Variants in MALRD1 observed in about 807,000 individuals in gnomAD.
The protein encoded by MALRD1 is MAM and LDL-receptor class A domain-containing protein 1.
Under a neutral mutation model 242.1 loss-of-function variants are expected in MALRD1, and 247 were observed. The ratio of observed to expected loss-of-function variants is 1.02; its 90% CI spans 0.92 to 1.13. The LOEUF is 1.13. MALRD1 is among the 50% of genes most tolerant of loss of function. The pLI is 0.00. For synonymous variants in MALRD1, 995 were observed against 866.6 expected (o/e 1.15, Z -2.60); for missense variants, 2,989 against 2,533.1 (o/e 1.18, Z -3.86).
At chr10:19,730,012 C>T (rs1835221612) in intron 38 of MALRD1, among the ~76,000 whole-genome samples, 1 of 152,124 alleles carries the variant, frequency 6.6e-6, no homozygotes, top group African/African-American at 2.4e-5. Flanking sequence ...GCTGGGATTA[C>T]AGGCGTGAGC....
intron 36 of MALRD1, among the ~76,000 whole-genome samples, chr10:19,619,584 A>C (rs565273254): frequency 1.3e-5 from 2 of 152,232 alleles, no homozygotes; most frequent in South Asian, 4.1e-4. Flanking sequence ...ACAGGAATGA[A>C]AAATGTTTAA....
chr10:19,285,426 T>G (rs947815259), intron 21 of MALRD1, among the ~76,000 whole-genome samples: 1 of 150,788 alleles, frequency 6.6e-6, no homozygotes, highest in Admixed American at 6.6e-5. Context: ...AATTGATTTT[T>G]GTATAAGGTA....
intron 18 of MALRD1, among the ~76,000 whole-genome samples, chr10:19,215,460 T>C (rs1837267094): frequency 6.6e-6 from 1 of 152,248 alleles, no homozygotes; most frequent in Non-Finnish European, 1.5e-5. Flanking sequence ...GTGGACGTCA[T>C]CTTCCACATC....
rs78521570 is a variant in MALRD1 at position 19,387,056 on chromosome 10, A to C, written c.4442-472A>C. ...TTATATATGCATAGCCGTGCTTCTA[A>C]GGAGGTATCTTACATATCGTGGCTT... On this transcript the variant is annotated intron_variant, in intron 26 of 39. Transcript: ENST00000454679. Among the ~76,000 whole-genome samples the C allele has an allele frequency of 5.6e-3, 854 of 152,280 alleles. 5 individuals are homozygous for C. Among genetic ancestry groups the C allele is most frequent in the African/African-American group, 0.02 (819 of 41,564 alleles).
intron 38 of MALRD1, among the ~76,000 whole-genome samples, chr10:19,718,221 A>C (rs1335875440): frequency 2.0e-5 from 3 of 151,732 alleles, no homozygotes; most frequent in African/African-American, 7.3e-5. Flanking sequence ...GAAGAAGAAG[A>C]AGCAACAGCA....
At chr10:19,282,871 A>G (rs2131887119) in intron 20 of MALRD1, 148 bp from the exon 21 acceptor site, 1 of 549,886 alleles carries the variant, frequency 1.8e-6, no homozygotes, top group Non-Finnish European at 2.8e-6. Flanking sequence ...TCTTCCAGTG[A>G]TTTTACAAAC....
intron 14 of MALRD1, among the ~76,000 whole-genome samples, chr10:19,175,611 T>A (rs1330552147): frequency 6.6e-6 from 1 of 151,266 alleles, no homozygotes; most frequent in Non-Finnish European, 1.5e-5. Flanking sequence ...AAAATTATAA[T>A]TATCTTGCAT....
At chr10:19,612,913 T>A (rs1405700554) in intron 35 of MALRD1, among the ~76,000 whole-genome samples, 1 of 151,982 alleles carries the variant, frequency 6.6e-6, no homozygotes, top group Non-Finnish European at 1.5e-5. Context: ...GATCACAGTT[T>A]GACATAAGAT....
intron 38 of MALRD1, among the ~76,000 whole-genome samples, chr10:19,698,117 C>T (rs1160005906): frequency 6.6e-6 from 1 of 152,162 alleles, no homozygotes; most frequent in Non-Finnish European, 1.5e-5. Context: ...CTGAATATTT[C>T]TCTAACTACT....
intron 2 of MALRD1, among the ~76,000 whole-genome samples, chr10:19,081,364 C>A (rs2131280475): frequency 6.6e-6 from 1 of 152,182 alleles, no homozygotes; most frequent in East Asian, 1.9e-4. Flanking sequence ...GGAACTAACC[C>A]AAATGCCCAT....
chr10:19,454,520 G>C (rs1003630562), intron 29 of MALRD1, among the ~76,000 whole-genome samples: 4 of 147,084 alleles, frequency 2.7e-5, no homozygotes, highest in Non-Finnish European at 4.5e-5. Context: ...TGTTATATAT[G>C]GATAAACCCA....
intron 19 of MALRD1, among the ~76,000 whole-genome samples, chr10:19,262,410 CTT>C (rs1839789124): frequency 6.6e-6 from 1 of 151,884 alleles, no homozygotes; most frequent in Non-Finnish European, 1.5e-5. Flanking sequence ...AATCCTAGCA[CTT>C]TGGGAAGCTG....
At chr10:19,173,884 A>T (rs1018679954) in intron 13 of MALRD1, among the ~76,000 whole-genome samples, 1 of 152,226 alleles carries the variant, frequency 6.6e-6, no homozygotes, top group African/African-American at 2.4e-5. Context: ...TATCATACGA[A>T]GTGTAGGAGA....
At chr10:19,519,716 A>T (rs1255803829) in intron 31 of MALRD1, among the ~76,000 whole-genome samples, 1 of 152,172 alleles carries the variant, frequency 6.6e-6, no homozygotes, top group Non-Finnish European at 1.5e-5. Flanking sequence ...ATGAACTGTT[A>T]TCACGCCACT....
chr10:19,605,696 A>G (rs139620878), intron 34 of MALRD1, among the ~76,000 whole-genome samples: 1 of 152,090 alleles, frequency 6.6e-6, no homozygotes, highest in Non-Finnish European at 1.5e-5. Flanking sequence ...GCCTTTATAG[A>G]TCTCCGTATG....
chr10:19,110,804 T>C (rs1836651610), intron 5 of MALRD1, among the ~76,000 whole-genome samples: 1 of 152,088 alleles, frequency 6.6e-6, no homozygotes, highest in Non-Finnish European at 1.5e-5. Flanking sequence ...GAGGTCAGGG[T>C]CTGGCAAAGA....
chr10:19,166,043 A>G (rs1205144088), intron 13 of MALRD1, among the ~76,000 whole-genome samples: 4 of 152,260 alleles, frequency 2.6e-5, no homozygotes, highest in African/African-American at 9.6e-5. Flanking sequence ...GAGATCAAAC[A>G]CATGATCTGT....
In MALRD1 at chr10:19,497,003, G is replaced by A. The variant is rs553160920; in HGVS notation, c.5159-1482G>A. Among the ~76,000 whole-genome samples, 3 of 152,180 alleles carry A rather than the reference G, an allele frequency of 2.0e-5. No homozygotes were observed. In the South Asian group the frequency reaches 6.2e-4, roughly 32 times the overall value. The stretch of plus-strand genomic sequence containing the variant: ...AAATGTAAGAGAATTTATCCTGATT[G>A]GATAAATATCTTTAGCATCAAAAAT... On this transcript the variant is annotated intron_variant, in intron 30 of 39. Coordinates refer to ENST00000454679, the MANE Select transcript of MALRD1 (RefSeq NM_001142308.3).
At position 19,214,670 on chromosome 10, in the gene MALRD1, T is replaced by A. The variant is rs145228990; in HGVS notation, c.2991+4990T>A. ...GTTTTCATCTCTAAAGAACTGATGA[T>A]CCTGGGAACTTAACAATGTCAATGC... On this transcript the variant is annotated intron_variant, in intron 18 of 39. Coordinates refer to ENST00000454679, the MANE Select transcript of MALRD1 (RefSeq NM_001142308.3). Among the ~76,000 whole-genome samples the A allele has an allele frequency of 2.8e-3, 419 of 152,314 alleles. 3 individuals are homozygous for A. The highest frequency in any genetic ancestry group is 9.7e-3 in the African/African-American group (402 of 41,568).
Sources: allele counts gnomAD v4.1 joint callset (sites outside exome capture counted in the v4.1 genomes callset), GRCh38; gene constraint gnomAD v4.1.1; transcripts MANE v1.5; gene names NCBI Gene and HGNC (gene_info 2026-07-23, HGNC 2026-07-21).